The following AGXT2 variants were observed in gnomAD, a reference collection of about 807,000 sequenced individuals.
The protein encoded by AGXT2 is alanine--glyoxylate aminotransferase 2, also known as alanine--glyoxylate aminotransferase 2, mitochondrial.
AGXT2 carries 61 observed loss-of-function variants against 62.5 expected under a neutral mutation model. The ratio of observed to expected loss-of-function variants is 0.98; its 90% CI spans 0.79 to 1.21. The LOEUF (loss-of-function observed/expected upper bound fraction) is 1.21, where lower values mean the gene tolerates loss of function less well. Among genes scored for constraint, AGXT2 ranks in the 50% most tolerant of loss-of-function variants. The pLI, the probability that AGXT2 is intolerant of heterozygous loss-of-function variation, is 0.00. For synonymous variants in AGXT2, 243 were observed against 218.7 expected (o/e 1.11, Z -0.98); for missense variants, 666 against 641.5 (o/e 1.04, Z -0.41).
At chr5:35,034,856 G>A (rs1433067527) in intron 5 of AGXT2, among the ~76,000 whole-genome samples, 1 of 152,128 alleles carries the variant, frequency 6.6e-6, no homozygotes, top group Non-Finnish European at 1.5e-5. Context: ...TTTTTTGGTA[G>A]AGCCTTGATC....
chr5:35,036,944 TAAG>T lies in AGXT2; in HGVS notation c.481_483del (p.Leu161del), dbSNP rs752644089. The T allele has an allele frequency of 4.3e-6, 7 of 1,613,790 alleles. No homozygotes were observed. The African/African-American group carries it at 9.4e-5, about 22-fold the overall frequency. On this transcript the variant is annotated inframe_deletion, in exon 4 of 14. Transcript: ENST00000231420. ...CTCCTGCAGGAAGAGCATTGTACCTTAAGAGGCTCAGGAAGAAGTGCGGCAAGC... is the reference window on the plus strand; with the variant it reads ...CTCCTGCAGGAAGAGCATTGTACCTTAGGCTCAGGAAGAAGTGCGGCAAGC...
At position 35,010,721 on chromosome 5, in the gene AGXT2, G is replaced by C. The variant is rs1561214589; in HGVS notation, c.1189-572C>G. Among the ~76,000 whole-genome samples, 3 of 152,188 alleles carry C rather than the reference G, an allele frequency of 2.0e-5. No homozygotes were observed. In the East Asian group the frequency reaches 5.8e-4, roughly 29 times the overall value. The stretch of plus-strand genomic sequence containing the variant: ...AAAAAAGAATTTAGGAAAGAATAAA[G>C]GTGTGTCTCAATGCAGTTGAAAATG... On this transcript the variant is annotated intron_variant, in intron 11 of 13. Coordinates refer to ENST00000231420, the MANE Select transcript of AGXT2 (RefSeq NM_031900.4).
At position 34,999,575 on chromosome 5, in the gene AGXT2, G is replaced by A. The variant is rs1766152179; in HGVS notation, c.1438-749C>T. Among the ~76,000 whole-genome samples the A allele has an allele frequency of 2.0e-5, 3 of 152,110 alleles. No homozygotes were observed. In the South Asian group the frequency reaches 6.2e-4, roughly 32 times the overall value. ...AAATCACACAGCTAGGCTGAGTGAT[G>A]CCGCTAGATATTCAGGGTCTCCAAC... On this transcript the variant is annotated intron_variant, in intron 13 of 13. Coordinates refer to ENST00000231420, the MANE Select transcript of AGXT2 (RefSeq NM_031900.4).
At chr5:35,020,662 A>C (rs1222300522) in intron 9 of AGXT2, among the ~76,000 whole-genome samples, 2 of 152,274 alleles carry the variant, frequency 1.3e-5, no homozygotes, top group Non-Finnish European at 2.9e-5. Context: ...GAAAACTGGC[A>C]TAAGACAGGG....
chr5:35,025,755 C>T lies in AGXT2; in HGVS notation c.963+8G>A. The stretch of plus-strand genomic sequence containing the variant: ...CTGCACTCAATGGCACCCTTACATG[C>T]CACTTACTTCATCTGCAATGCACAC... On this transcript the variant is annotated splice_region_variant and intron_variant, in intron 9 of 13. Transcript: ENST00000231420. 1.2e-6 allele frequency: 2 copies of T among 1,614,000 alleles called. No homozygotes were observed. Among genetic ancestry groups the T allele is most frequent in the Non-Finnish European group, 1.7e-6 (2 of 1,179,912 alleles).
chr5:35,047,833 C>T lies in AGXT2; in HGVS notation c.60G>A (p.Arg20=), dbSNP rs528259406. The T allele has an allele frequency of 2.1e-4, 332 of 1,614,110 alleles. 3 individuals are homozygous for T. In the South Asian group the frequency reaches 3.5e-3, roughly 17 times the overall value. The change falls in exon 1 of 14, where the codon AGG becomes AGA. Residue 20 remains arginine, a synonymous_variant. Coordinates refer to ENST00000231420, the MANE Select transcript of AGXT2 (RefSeq NM_031900.4). The part of the protein sequence containing the change: ...RPLCLVTSAP[R]ILEMHPFLSL... ...TCAGGAAAGGATGCATCTCAAGGAT[C>T]CTGGGAGCGGAAGTGACCAGGCACA...
chr5:35,030,234 A>G (rs1330018738), intron 7 of AGXT2, among the ~76,000 whole-genome samples: 1 of 152,190 alleles, frequency 6.6e-6, no homozygotes, highest in Non-Finnish European at 1.5e-5. Context: ...CTGGCCGGGC[A>G]TGGTGGCTCA....
chr5:35,046,887 C>T (rs1241746950), intron 1 of AGXT2, among the ~76,000 whole-genome samples: 3 of 152,098 alleles, frequency 2.0e-5, no homozygotes, highest in Admixed American at 2.0e-4. Context: ...GTGAGGCTCT[C>T]GTGAAACAAG....
At position 35,026,377 on chromosome 5, in the gene AGXT2, A is replaced by G. The variant is rs1340028997; in HGVS notation, c.870+33T>C. On this transcript the variant is annotated intron_variant, in intron 8 of 13. Transcript: ENST00000231420. ...AAAACTTTCTGATAATTGAAGATTC[A>G]GCTCCATTAATGTCTAAGGTTCATA... The G allele has an allele frequency of 4.6e-6, 7 of 1,533,814 alleles. No individual in the cohort carries two copies. In the African/African-American group the frequency reaches 9.6e-5, roughly 21 times the overall value.
chr5:35,021,283 G>A (rs1156932847), intron 9 of AGXT2, among the ~76,000 whole-genome samples: 1 of 152,080 alleles, frequency 6.6e-6, no homozygotes, highest in African/African-American at 2.4e-5. Flanking sequence ...TAAGCCAAAA[G>A]AACAAAGCTG....
chr5:35,000,439 G>A (rs1029384541), intron 13 of AGXT2, among the ~76,000 whole-genome samples: 5 of 152,114 alleles, frequency 3.3e-5, no homozygotes, highest in African/African-American at 1.2e-4. Flanking sequence ...GGAGTGCAGT[G>A]GCACAATCTC....
intron 12 of AGXT2, among the ~76,000 whole-genome samples, chr5:35,009,059 G>A (rs1766529635): frequency 6.6e-6 from 1 of 152,162 alleles, no homozygotes; most frequent in Non-Finnish European, 1.5e-5. Flanking sequence ...ATGATTTTGT[G>A]CTATTGAGGC....
intron 7 of AGXT2, chr5:35,027,106 A>G (rs776046232): frequency 2.7e-4 from 199 of 742,364 alleles, no homozygotes; most frequent in Non-Finnish European, 3.2e-4. Flanking sequence ...TTCTCCGATT[A>G]ATCAGGAGGT....
chr5:35,024,962 T>C lies in AGXT2; in HGVS notation c.963+801A>G, dbSNP rs541582426. On this transcript the variant is annotated intron_variant, in intron 9 of 13. Coordinates refer to ENST00000231420, the MANE Select transcript of AGXT2 (RefSeq NM_031900.4). ...TCCAGCCTGGGCAACAAGAAAGAAA[T>C]TCTGTCTCAAAAAGAAACAAACAAA... Among the ~76,000 whole-genome samples, 2 of 152,146 alleles carry C rather than the reference T, an allele frequency of 1.3e-5. 1 individual carries two copies. The highest frequency in any genetic ancestry group is 4.8e-5 in the African/African-American group (2 of 41,500).
chr5:35,031,569 A>G (rs1303743397), intron 7 of AGXT2, among the ~76,000 whole-genome samples: 2 of 152,250 alleles, frequency 1.3e-5, no homozygotes, highest in African/African-American at 4.8e-5. Flanking sequence ...ATGACAAATC[A>G]GAGGCAGGGC....
intron 1 of AGXT2, among the ~76,000 whole-genome samples, chr5:35,043,971 C>A (rs13171891): frequency 1.3e-5 from 2 of 152,062 alleles, no homozygotes; most frequent in African/African-American, 4.8e-5. Context: ...TGATTACAGG[C>A]GTGAACCACT....
At chr5:35,023,719 G>C (rs58035126) in intron 9 of AGXT2, among the ~76,000 whole-genome samples, 33,597 of 152,086 alleles carry the variant, frequency 0.22, 4,059 homozygotes, top group South Asian at 0.31. Context: ...AGGGAGGATG[G>C]TCTCAGCAGG....
chr5:35,036,862 C>G, intron 4 of AGXT2, 80 bp downstream of exon 4: 3 of 1,601,702 alleles, frequency 1.9e-6, no homozygotes, highest in Non-Finnish European at 2.6e-6. Flanking sequence ...AATCATAAGA[C>G]TCCTGTCTCT....
intron 12 of AGXT2, among the ~76,000 whole-genome samples, chr5:35,009,099 GAAAC>G (rs1766531208): frequency 6.6e-6 from 1 of 152,134 alleles, no homozygotes; most frequent in Non-Finnish European, 1.5e-5. Flanking sequence ...TGGAGTGTGA[GAAAC>G]AAACAGTGAT....
Sources: allele counts gnomAD v4.1 joint callset (sites outside exome capture counted in the v4.1 genomes callset), GRCh38; gene constraint gnomAD v4.1.1; transcripts MANE v1.5; gene names NCBI Gene and HGNC (gene_info 2026-07-23, HGNC 2026-07-21).